Variants in AGFG1 observed in about 807,000 individuals in gnomAD.
AGFG1 encodes the protein ArfGAP with FG repeats 1.
In AGFG1, 10 loss-of-function variants were observed where a neutral mutation model predicts 60.6. The observed-to-expected ratio is 0.16, with a 90% CI of 0.10 to 0.28. The LOEUF is 0.28. AGFG1 is among the 10% of genes least tolerant of loss of function. The pLI is 1.00. For missense variants in AGFG1, 537 were observed against 676.5 expected, an observed-to-expected ratio of 0.79 and a Z score of 2.29; for synonymous variants, 247 against 242.9, an observed-to-expected ratio of 1.02 and a Z score of -0.16.
chr2:227,554,512 T>C lies in AGFG1; in HGVS notation c.*17T>C. On this transcript the variant is annotated 3_prime_UTR_variant, in exon 13 of 13. Transcript: ENST00000310078. ...TTCTTATAGCCTTATATAGACAATT[T>C]ACTGGAACGAACTTTTATGTGGTCA... 1 of 1,605,542 alleles carries C rather than the reference T, an allele frequency of 6.2e-7. No homozygotes were observed. Among genetic ancestry groups the C allele is most frequent in the South Asian group, 1.1e-5 (1 of 89,962 alleles).
chr2:227,517,180 T>C (rs899395203), intron 2 of AGFG1, among the ~76,000 whole-genome samples: 7 of 152,216 alleles, frequency 4.6e-5, no homozygotes, highest in Non-Finnish European at 7.3e-5. Context: ...TGTGCCTTAC[T>C]CTAGTTCTCA....
intron 1 of AGFG1, among the ~76,000 whole-genome samples, chr2:227,478,002 G>A (rs2106151972): frequency 6.6e-6 from 1 of 152,076 alleles, no homozygotes; most frequent in East Asian, 1.9e-4. Flanking sequence ...GCTCCAAAAT[G>A]TGTGTTCTTA....
chr2:227,546,156 T>C (rs1411842837), intron 10 of AGFG1, among the ~76,000 whole-genome samples: 1 of 152,240 alleles, frequency 6.6e-6, no homozygotes, highest in Non-Finnish European at 1.5e-5. Flanking sequence ...TCAAGCTTCC[T>C]GGCCACTTTG....
chr2:227,534,743 TA>T, intron 7 of AGFG1, 101 bp from the exon 8 acceptor site: 2 of 1,252,178 alleles, frequency 1.6e-6, no homozygotes, highest in Non-Finnish European at 1.1e-6. Context: ...TGCTTAACTC[TA>T]AATCCATTTT....
At position 227,557,625 on chromosome 2, in the gene AGFG1, A is replaced by G. The variant is rs976330181; in HGVS notation, c.*3130A>G. 3.9e-4 allele frequency: 59 copies of G among 152,368 alleles called. No homozygotes were observed. Among genetic ancestry groups the G allele is most frequent in the Admixed American group, 3.5e-3 (54 of 15,302 alleles). 9.4% of individuals were successfully genotyped at this position (152,368 alleles called of 1,614,324 possible). On this transcript the variant is annotated 3_prime_UTR_variant, in exon 13 of 13. Transcript: ENST00000310078. ...ATTTAAGTATAACAGTAATAAACTA[A>G]TAACTTGCTAACATAAATACCATTT...
chr2:227,518,078 G>T (rs549250469), intron 2 of AGFG1, among the ~76,000 whole-genome samples: 79 of 152,278 alleles, frequency 5.2e-4, no homozygotes, highest in African/African-American at 1.9e-3. Flanking sequence ...TGGTGGGGGG[G>T]TGCACATGTT....
intron 1 of AGFG1, 129 bp from the exon 2 acceptor site, chr2:227,491,418 T>C: frequency 1.8e-6 from 1 of 543,944 alleles, no homozygotes; most frequent in Non-Finnish European, 3.2e-6. Flanking sequence ...TTAAAAATAC[T>C]TTGAGTTTAT....
rs1422123832 is a variant in AGFG1 at position 227,554,639 on chromosome 2, A to C, written c.*144A>C. 5 of 654,976 alleles carry C rather than the reference A, an allele frequency of 7.6e-6. No homozygotes were observed. In the East Asian group the frequency reaches 1.4e-4, roughly 19 times the overall value. The allele number at this position is 654,976 out of a possible 1,614,324, so 40.6% of individuals were successfully genotyped here. ...AAGCCTGCATTGTGTATTAAACACC[A>C]GGTAATATGTGCAAAACCGAGGGCT... is the stretch of plus-strand genomic sequence containing the variant. On this transcript the variant is annotated 3_prime_UTR_variant, in exon 13 of 13. Transcript: ENST00000310078.
At position 227,486,989 on chromosome 2, in the gene AGFG1, G is replaced by A. The variant is rs556225327; in HGVS notation, c.168-4558G>A. 1.4e-4 allele frequency among the ~76,000 whole-genome samples: 22 copies of A among 152,302 alleles called. 1 individual carries two copies. The highest frequency in any genetic ancestry group is 6.2e-4 in the South Asian group (3 of 4,824). The stretch of plus-strand genomic sequence containing the variant: ...AATTATCCAACCCAAAATGTCAATA[G>A]TGTCAAAGTTAAGAAGCCTTGATTT... On this transcript the variant is annotated intron_variant, in intron 1 of 12. Coordinates refer to ENST00000310078, the MANE Select transcript of AGFG1 (RefSeq NM_004504.5).
chr2:227,499,080 G>A (rs1197590168), intron 2 of AGFG1, among the ~76,000 whole-genome samples: 1 of 152,058 alleles, frequency 6.6e-6, no homozygotes, highest in Non-Finnish European at 1.5e-5. Flanking sequence ...GCAAATGCGA[G>A]ACATAAAATT....
intron 5 of AGFG1, among the ~76,000 whole-genome samples, chr2:227,525,571 T>A (rs1691968966): frequency 6.6e-6 from 1 of 152,264 alleles, no homozygotes. Flanking sequence ...TTAGGTCTCT[T>A]AGTTCATAAG....
intron 6 of AGFG1, among the ~76,000 whole-genome samples, chr2:227,532,678 TA>T (rs1295681667): frequency 6.6e-6 from 1 of 152,182 alleles, no homozygotes; most frequent in Non-Finnish European, 1.5e-5. Flanking sequence ...TCTATCACTT[TA>T]ATATATAACT....
chr2:227,474,188 T>C (rs10186729), intron 1 of AGFG1, among the ~76,000 whole-genome samples: 7,325 of 152,318 alleles, frequency 0.048, 211 homozygotes, highest in African/African-American at 0.089. Flanking sequence ...TAGAAAGTTG[T>C]TACTTACGTT....
In AGFG1 at chr2:227,520,019, A is replaced by G. The variant is rs1135969; in HGVS notation, c.333A>G (p.Gln111=). The change falls in exon 3 of 13, where the codon CAA becomes CAG. Residue 111 remains glutamine (Q), a synonymous_variant. Coordinates refer to ENST00000310078, the MANE Select transcript of AGFG1 (RefSeq NM_004504.5). ...CAATTCCAGACTTCAGGGATCCACA[A>G]AAAGTGAAAGAGTTTCTACAAGAAA... ...SSAIPDFRDP[Q]KVKEFLQEKY... 0.036 allele frequency: 57,638 copies of G among 1,581,386 alleles called. 1,275 individuals carry two copies. The highest frequency in any genetic ancestry group is 0.086 in the African/African-American group (6,208 of 71,974).
intron 6 of AGFG1, among the ~76,000 whole-genome samples, chr2:227,533,147 T>A (rs1328005832): frequency 6.6e-6 from 1 of 152,204 alleles, no homozygotes; most frequent in East Asian, 1.9e-4. Flanking sequence ...TGTTTCGTCA[T>A]GGAGCCACAA....
intron 1 of AGFG1, among the ~76,000 whole-genome samples, chr2:227,478,250 A>G (rs1559163777): frequency 6.7e-6 from 1 of 148,822 alleles, no homozygotes; most frequent in East Asian, 2.0e-4. Context: ...AAAAAAAAAA[A>G]AATACATACA....
chr2:227,534,918 G>A lies in AGFG1; in HGVS notation c.1098G>A (p.Gln366=). The A allele has an allele frequency of 6.2e-7, 1 of 1,613,818 alleles. No individual in the cohort carries two copies. Among genetic ancestry groups the A allele is most frequent in the Non-Finnish European group, 8.5e-7 (1 of 1,179,764 alleles). ...PVGSVVSVPS[Q]SSASSDKYAA... is the part of the protein sequence containing the mutation. ...GTTCTGTGGTTTCAGTTCCCAGTCA[G>A]TCAAGTGCATCTTCAGACAAGTATG... Residue 366 remains glutamine (Q), a synonymous_variant, in exon 8 of 13, where the codon CAG becomes CAA. Coordinates refer to ENST00000310078, the MANE Select transcript of AGFG1 (RefSeq NM_004504.5).
chr2:227,474,544 A>G (rs1317274843), intron 1 of AGFG1, among the ~76,000 whole-genome samples: 3 of 152,212 alleles, frequency 2.0e-5, no homozygotes, highest in East Asian at 3.8e-4. Flanking sequence ...TCATTTCTCT[A>G]TTGAGTCATT....
intron 2 of AGFG1, among the ~76,000 whole-genome samples, chr2:227,499,639 C>CA (rs34358491): frequency 0.18 from 18,116 of 98,238 alleles, 1,126 homozygotes; most frequent in Admixed American, 0.23. Context: ...GACTCTGTCT[C>CA]AAAAAAAAAA....
Sources: allele counts gnomAD v4.1 joint callset (sites outside exome capture counted in the v4.1 genomes callset), GRCh38; gene constraint gnomAD v4.1.1; transcripts MANE v1.5; gene names NCBI Gene and HGNC (gene_info 2026-07-23, HGNC 2026-07-21).